Variants in IL17B observed in about 807,000 individuals in gnomAD.
IL17B encodes the protein interleukin-17B.
IL17B carries 14 observed loss-of-function variants against 14.7 expected under a neutral mutation model. The ratio of observed to expected loss-of-function variants is 0.95; its 90% confidence interval spans 0.63 to 1.49. IL17B has a LOEUF of 1.49. Ranked by LOEUF, IL17B falls within the 40% of genes most tolerant of loss-of-function variation. The pLI, the probability that IL17B is intolerant of heterozygous loss-of-function variation, is 0.00. For synonymous variants in IL17B, 105 were observed against 94.8 expected, an observed-to-expected ratio of 1.11 and a Z score of -0.62; for missense variants, 233 against 252.8, an observed-to-expected ratio of 0.92 and a Z score of 0.53.
At chr5:149,375,676 T>C (rs1758510113) in intron 2 of IL17B, among the ~76,000 whole-genome samples, 1 of 152,008 alleles carries the variant, frequency 6.6e-6, no homozygotes, top group Non-Finnish European at 1.5e-5. Flanking sequence ...TGCTTGAGCT[T>C]AGGAGTGTGA....
chr5:149,395,740 T>C (rs1195099101), intron 1 of IL17B, among the ~76,000 whole-genome samples: 1 of 152,238 alleles, frequency 6.6e-6, no homozygotes, highest in African/African-American at 2.4e-5. Flanking sequence ...TGGTGCAATC[T>C]CGGCTCACTG....
At chr5:149,401,480 G>A (rs1185022104) in intron 1 of IL17B, among the ~76,000 whole-genome samples, 1 of 152,188 alleles carries the variant, frequency 6.6e-6, no homozygotes, top group African/African-American at 2.4e-5. Flanking sequence ...TGAGGCGGGT[G>A]GATCACCTGA....
intron 1 of IL17B, among the ~76,000 whole-genome samples, chr5:149,403,075 TTTG>T (rs1428728969): frequency 1.5e-5 from 2 of 133,716 alleles, no homozygotes; most frequent in Non-Finnish European, 3.0e-5. Context: ...TCTGTTTTGT[TTTG>T]TTTTGTTTTG....
intron 1 of IL17B, among the ~76,000 whole-genome samples, chr5:149,393,972 T>C (rs1759042142): frequency 6.6e-6 from 1 of 152,178 alleles, no homozygotes; most frequent in Admixed American, 6.5e-5. Context: ...AAAATCAAAA[T>C]CCTGAAAATA....
At chr5:149,390,716 G>A (rs2127620947) in intron 1 of IL17B, among the ~76,000 whole-genome samples, 1 of 151,982 alleles carries the variant, frequency 6.6e-6, no homozygotes, top group South Asian at 2.1e-4. Flanking sequence ...AAAGTAGGGT[G>A]TCATTTGAGG....
intron 1 of IL17B, among the ~76,000 whole-genome samples, chr5:149,400,086 T>TTTAA (rs1382313383): frequency 6.6e-6 from 1 of 152,156 alleles, no homozygotes; most frequent in African/African-American, 2.4e-5. Context: ...AATTTCTATG[T>TTTAA]TTAATTCCCA....
In IL17B at chr5:149,374,783, G is replaced by A. The variant is rs968345290; in HGVS notation, c.312-183C>T. ...CGTGAGGAAACTGAAGATCATGGAA[G>A]GCAAGTCGAGAGCCCCAAGGTTATC... On this transcript the variant is annotated intron_variant, in intron 2 of 2. Coordinates refer to ENST00000261796, the MANE Select transcript of IL17B (RefSeq NM_014443.3). The surrounding 1 kb of genome is among the most constrained non-coding windows in gnomAD (Gnocchi z 5.0). 1.7e-6 allele frequency: 1 copy of A among 574,592 alleles called. No individual in the cohort carries two copies. Among genetic ancestry groups the A allele is most frequent in the Non-Finnish European group, 3.1e-6 (1 of 325,464 alleles). The allele number at this position is 574,592 out of a possible 1,614,324, so 35.6% of individuals were successfully genotyped here.
At chr5:149,401,673 T>C (rs1759207605) in intron 1 of IL17B, among the ~76,000 whole-genome samples, 2 of 152,172 alleles carry the variant, frequency 1.3e-5, no homozygotes, top group Non-Finnish European at 1.5e-5. Flanking sequence ...GAGAATCACT[T>C]GAACCCAGGA....
chr5:149,392,582 T>C (rs1342966883), intron 1 of IL17B, among the ~76,000 whole-genome samples: 1 of 152,242 alleles, frequency 6.6e-6, no homozygotes, highest in Non-Finnish European at 1.5e-5. Context: ...TCTGGAAGTC[T>C]ATATAAAAAT....
chr5:149,376,999 G>T lies in IL17B; in HGVS notation c.48C>A (p.Phe16Leu). Reference protein sequence around the residue: ...NLLFLLTISIFLGLGQPRSPK... With the variant: ...NLLFLLTISILLGLGQPRSPK... Reference sequence around the variant, plus strand: ...GGCTCCTGGGCTGGCCCAGCCCCAGGAAGATGGAAATGGTAAGAAGAAACA... The same window carrying T: ...GGCTCCTGGGCTGGCCCAGCCCCAGTAAGATGGAAATGGTAAGAAGAAACA... Residue 16 changes from phenylalanine to leucine, a missense_variant, in exon 2 of 3, where the codon TTC becomes TTA. Coordinates refer to ENST00000261796, the MANE Select transcript of IL17B (RefSeq NM_014443.3). 6.4e-7 allele frequency: 1 copy of T among 1,568,228 alleles called. No homozygotes were observed. Among genetic ancestry groups the T allele is most frequent in the Non-Finnish European group, 8.6e-7 (1 of 1,162,392 alleles).
upstream of IL17B, chr5:149,379,387 C>T: frequency 8.9e-6 from 7 of 783,744 alleles, no homozygotes; most frequent in Non-Finnish European, 1.2e-5. Context: ...AGCCTTGGGC[C>T]CCCAGCTGGC....
In IL17B at chr5:149,377,106, C is replaced by T. The variant is rs1758565872; in HGVS notation, c.22-81G>A. 4.0e-6 allele frequency: 5 copies of T among 1,258,320 alleles called. No individual in the cohort carries two copies. The East Asian group carries it at 1.2e-4, about 31-fold the overall frequency. 77.9% of individuals were successfully genotyped at this position (1,258,320 alleles called of 1,614,324 possible). Reference sequence around the variant, plus strand: ...AGACTTGGGGTCCATGGTCCTTTCCCATTGCTCTTAGGGGTCTCCCAGGCT... The same window carrying T: ...AGACTTGGGGTCCATGGTCCTTTCCTATTGCTCTTAGGGGTCTCCCAGGCT... On this transcript the variant is annotated intron_variant, in intron 1 of 2. Coordinates refer to ENST00000261796, the MANE Select transcript of IL17B (RefSeq NM_014443.3).
intron 1 of IL17B, among the ~76,000 whole-genome samples, chr5:149,398,953 A>G (rs1235555782): frequency 6.6e-6 from 1 of 152,216 alleles, no homozygotes; most frequent in Non-Finnish European, 1.5e-5. Context: ...AGGCCTCACA[A>G]TCATGGCAGA....
chr5:149,388,198 G>A (rs1471136955), intron 1 of IL17B, among the ~76,000 whole-genome samples: 1 of 152,148 alleles, frequency 6.6e-6, no homozygotes, highest in Non-Finnish European at 1.5e-5. Context: ...AGAATTCAGG[G>A]GTCAGGCTGA....
At chr5:149,402,269 G>A (rs991193724) in intron 1 of IL17B, among the ~76,000 whole-genome samples, 1 of 152,154 alleles carries the variant, frequency 6.6e-6, no homozygotes, top group African/African-American at 2.4e-5. Flanking sequence ...AAGCAGCCAC[G>A]GTAGTGGAAG....
chr5:149,401,791 A>T (rs1759209382), intron 1 of IL17B, among the ~76,000 whole-genome samples: 1 of 152,196 alleles, frequency 6.6e-6, no homozygotes, highest in South Asian at 2.1e-4. Flanking sequence ...CCTAAAAACA[A>T]GAAATGCTCA....
chr5:149,395,136 T>A (rs1759064923), intron 1 of IL17B, among the ~76,000 whole-genome samples: 1 of 152,186 alleles, frequency 6.6e-6, no homozygotes, highest in Non-Finnish European at 1.5e-5. Context: ...ATTCCTGCAT[T>A]AGTTCACTTA....
chr5:149,384,588 C>T (rs1758782134), intron 1 of IL17B, among the ~76,000 whole-genome samples: 1 of 152,168 alleles, frequency 6.6e-6, no homozygotes. Flanking sequence ...GGCAAGTGAC[C>T]TAACCTCCCT....
intron 1 of IL17B, among the ~76,000 whole-genome samples, chr5:149,395,192 ATCTC>A (rs1759067005): frequency 6.6e-6 from 1 of 151,840 alleles, no homozygotes; most frequent in Non-Finnish European, 1.5e-5. Context: ...AAAGGACATG[ATCTC>A]TCTCTTTTTT....
Sources: gnomAD v4.1 joint callset for allele counts (sites outside exome capture counted in the v4.1 genomes callset) on GRCh38, gnomAD v4.1.1 for gene constraint, Gnocchi (gnomAD v3.1) non-coding constraint, MANE v1.5 for transcripts, NCBI Gene and HGNC (gene_info 2026-07-23, HGNC 2026-07-21) for gene names.